The following PIAS4 variants were observed in gnomAD, a reference collection of about 807,000 sequenced individuals.
PIAS4 encodes the protein E3 SUMO-protein ligase PIAS4.
In PIAS4, 7 loss-of-function variants were observed where a neutral mutation model predicts 58.0. The observed-to-expected ratio is 0.12, with a 90% confidence interval of 0.07 to 0.23. The LOEUF (loss-of-function observed/expected upper bound fraction) is 0.23, where lower values mean the gene tolerates loss of function less well. Among genes scored for constraint, PIAS4 ranks in the 10% least tolerant of loss-of-function variants. PIAS4 has a pLI of 1.00. For synonymous variants in PIAS4, 364 were observed against 312.4 expected, an observed-to-expected ratio of 1.17 and a Z score of -1.74; for missense variants, 550 against 709.5, an observed-to-expected ratio of 0.78 and a Z score of 2.55.
intron 1 of PIAS4, among the ~76,000 whole-genome samples, chr19:4,009,964 C>T (rs1168299566): frequency 6.6e-6 from 1 of 152,194 alleles, no homozygotes; most frequent in Non-Finnish European, 1.5e-5. Flanking sequence ...TCCTGAGCTA[C>T]CCCCGGTGCT....
At chr19:4,015,919 C>T (rs1277606253) in intron 2 of PIAS4, among the ~76,000 whole-genome samples, 1 of 152,230 alleles carries the variant, frequency 6.6e-6, no homozygotes, top group Non-Finnish European at 1.5e-5. Flanking sequence ...GACAGAGCCA[C>T]AGAGCAGGCT....
At chr19:4,014,126 C>G (rs2040028125) in intron 2 of PIAS4, among the ~76,000 whole-genome samples, 1 of 152,230 alleles carries the variant, frequency 6.6e-6, no homozygotes, top group Non-Finnish European at 1.5e-5. Context: ...GCTCAGGTCA[C>G]TGCCAGGCTG....
chr19:4,029,060 C>T, intron 7 of PIAS4, 24 bp downstream of exon 7: 2 of 1,534,558 alleles, frequency 1.3e-6, no homozygotes, highest in Non-Finnish European at 1.8e-6. Flanking sequence ...GCCACCTCGG[C>T]CGAGGGGTGC....
chr19:4,023,340 T>A (rs1391574159), intron 2 of PIAS4, among the ~76,000 whole-genome samples: 2 of 151,896 alleles, frequency 1.3e-5, no homozygotes, highest in Non-Finnish European at 2.9e-5. Context: ...TTAGCCAGGC[T>A]TGGTGGCTAT....
rs369242222 is a variant in PIAS4, at chr19:4,020,337, G to A, written c.455-3699G>A. ...AGGCCACACCACTGTGTGCACTGCCGTCCTGGGAGCACCTGGGAGCACAGA... is the reference window on the plus strand; with the variant it reads ...AGGCCACACCACTGTGTGCACTGCCATCCTGGGAGCACCTGGGAGCACAGA... On this transcript the variant is annotated intron_variant, in intron 2 of 10. Coordinates refer to ENST00000262971, the MANE Select transcript of PIAS4 (RefSeq NM_015897.4). 5.9e-5 allele frequency among the ~76,000 whole-genome samples: 9 copies of A among 152,242 alleles called. No individual in the cohort carries two copies. The South Asian group carries it at 8.3e-4, about 14-fold the overall frequency.
rs760851741 is a variant in PIAS4 at position 4,037,776 on chromosome 19, TGAGGAG to T, written c.1443_1448del (p.Glu486_Glu487del). The T allele has an allele frequency of 1.9e-6, 3 of 1,602,902 alleles. No homozygotes were observed. Among genetic ancestry groups the T allele is most frequent in the Non-Finnish European group, 2.6e-6 (3 of 1,175,230 alleles). ...TGGACAGCTCATCGTCCTCGGAGGATGAGGAGGAGGAGGAAGAGGAGGAGGAAGACG... is the reference window on the plus strand; with the variant it reads ...TGGACAGCTCATCGTCCTCGGAGGATGAGGAGGAAGAGGAGGAGGAAGACG... On this transcript the variant is annotated inframe_deletion, in exon 11 of 11. Coordinates refer to ENST00000262971, the MANE Select transcript of PIAS4 (RefSeq NM_015897.4). The surrounding 1 kb of genome is among the most constrained non-coding windows in gnomAD (Gnocchi z 5.8).
At position 4,038,020 on chromosome 19, in the gene PIAS4, C is replaced by T. The variant is rs530785241; in HGVS notation, c.*145C>T. The stretch of plus-strand genomic sequence containing the variant: ...CACCCTTTTGCCTGGCTCCTGGCAC[C>T]TGTACCTCTGGACTCTCCTATCGGG... On this transcript the variant is annotated 3_prime_UTR_variant, in exon 11 of 11. Coordinates refer to ENST00000262971, the MANE Select transcript of PIAS4 (RefSeq NM_015897.4). The surrounding 1 kb of genome is among the most constrained non-coding windows in gnomAD (Gnocchi z 4.1). 6.6e-6 allele frequency: 5 copies of T among 753,410 alleles called. No homozygotes were observed. Among genetic ancestry groups the T allele is most frequent in the Non-Finnish European group, 1.1e-5 (5 of 471,636 alleles). 46.7% of individuals were successfully genotyped at this position (753,410 alleles called of 1,614,324 possible).
intron 2 of PIAS4, among the ~76,000 whole-genome samples, chr19:4,017,544 G>T (rs369885083): frequency 3.5e-4 from 53 of 152,260 alleles, no homozygotes; most frequent in African/African-American, 1.2e-3. Flanking sequence ...CTGGGTTGGG[G>T]AATCAGTGCT....
intron 2 of PIAS4, among the ~76,000 whole-genome samples, chr19:4,015,075 G>A (rs1340023267): frequency 1.3e-5 from 2 of 152,318 alleles, no homozygotes; most frequent in East Asian, 1.9e-4. Flanking sequence ...GAGCAGGTTG[G>A]CCCAGTGGCA....
intron 4 of PIAS4, 121 bp downstream of exon 4, chr19:4,028,308 C>T: frequency 1.1e-6 from 1 of 907,758 alleles, no homozygotes; most frequent in Non-Finnish European, 1.7e-6. Flanking sequence ...CCCAGCTCTC[C>T]TCACCTGCTG....
chr19:4,025,525 C>T (rs975000207), intron 3 of PIAS4, among the ~76,000 whole-genome samples: 6 of 152,148 alleles, frequency 3.9e-5, no homozygotes, highest in Non-Finnish European at 5.9e-5. Flanking sequence ...CGTGCCCAGC[C>T]GCTTCAGACC....
At chr19:4,033,953 C>A (rs892175475) in intron 9 of PIAS4, among the ~76,000 whole-genome samples, 1 of 152,168 alleles carries the variant, frequency 6.6e-6, no homozygotes, top group Non-Finnish European at 1.5e-5. Context: ...TTGGGGGTGA[C>A]CTCCTCACAG....
At chr19:4,033,047 C>G in intron 7 of PIAS4, 53 bp from the exon 8 acceptor site, 2 of 1,438,786 alleles carry the variant, frequency 1.4e-6, no homozygotes, top group South Asian at 1.1e-5. Context: ...ATCACAGCCC[C>G]GCGCCCTGCT....
intron 4 of PIAS4, 27 bp from the exon 5 acceptor site, chr19:4,028,483 G>GC: frequency 6.5e-7 from 1 of 1,550,380 alleles, no homozygotes; most frequent in Non-Finnish European, 8.9e-7. Flanking sequence ...CCCCCTCCCC[G>GC]CCCCATGGTC....
rs2040320263 is a variant in PIAS4, at chr19:4,038,019, C to G, written c.*144C>G. The G allele has an allele frequency of 3.9e-6, 3 of 768,912 alleles. No individual in the cohort carries two copies. The highest frequency in any genetic ancestry group is 6.2e-6 in the Non-Finnish European group (3 of 485,442). The allele number at this position is 768,912 out of a possible 1,614,324, so 47.6% of individuals were successfully genotyped here. A position where few individuals can be genotyped will look rare whatever the true frequency, so the allele number is the denominator to read the frequency against. ...CCACCCTTTTGCCTGGCTCCTGGCA[C>G]CTGTACCTCTGGACTCTCCTATCGG... On this transcript the variant is annotated 3_prime_UTR_variant, in exon 11 of 11. Coordinates refer to ENST00000262971, the MANE Select transcript of PIAS4 (RefSeq NM_015897.4). The surrounding 1 kb of genome is among the most constrained non-coding windows in gnomAD (Gnocchi z 4.1).
chr19:4,010,678 A>G (rs1177380061), intron 1 of PIAS4, among the ~76,000 whole-genome samples: 3 of 152,192 alleles, frequency 2.0e-5, no homozygotes, highest in Non-Finnish European at 4.4e-5. Flanking sequence ...AGTCCCACGC[A>G]TGTACTAGGG....
chr19:4,028,427 G>A, intron 4 of PIAS4, 83 bp from the exon 5 acceptor site: 1 of 1,057,818 alleles, frequency 9.5e-7, no homozygotes, highest in Non-Finnish European at 1.4e-6. Context: ...ACTGCCGCCT[G>A]GCTACCACTC....
Position 4,024,022 on chromosome 19 carries a change from G to A in PIAS4, c.455-14G>A, listed in dbSNP as rs2028827. On this transcript the variant is annotated splice_polypyrimidine_tract_variant and intron_variant, in intron 2 of 10. Coordinates refer to ENST00000262971, the MANE Select transcript of PIAS4 (RefSeq NM_015897.4). ...AGGGACCAGACATGCCCCTGACCCC[G>A]TGTTTGTCTTCAGTCCCACAGAACA... is the stretch of plus-strand genomic sequence containing the variant. The A allele has an allele frequency of 0.91, 1,460,262 of 1,600,248 alleles. 669,534 individuals are homozygous for A. The highest frequency in any genetic ancestry group is 0.97 in the East Asian group (43,538 of 44,824).
chr19:4,033,283 GGCTGGT>G, intron 8 of PIAS4, 110 bp downstream of exon 8: 1 of 1,357,600 alleles, frequency 7.4e-7, no homozygotes, highest in Non-Finnish European at 1.0e-6. Context: ...GCGGGGGCGA[GGCTGGT>G]CTTCGTCCCC....
Sources: allele counts gnomAD v4.1 joint callset (sites outside exome capture counted in the v4.1 genomes callset), GRCh38; gene constraint gnomAD v4.1.1; non-coding constraint Gnocchi (gnomAD v3.1); transcripts MANE v1.5; gene names NCBI Gene and HGNC (gene_info 2026-07-23, HGNC 2026-07-21).